Variants in ACCSL observed in about 807,000 individuals in gnomAD.
ACCSL encodes 1-aminocyclopropane-1-carboxylate synthase homolog (inactive) like, also known as probable inactive 1-aminocyclopropane-1-carboxylate synthase-like protein 2.
ACCSL carries 55 observed loss-of-function variants against 61.7 expected under a neutral mutation model. The ratio of observed to expected loss-of-function variants is 0.89; its 90% CI spans 0.72 to 1.12. ACCSL has a LOEUF of 1.12. Among genes scored for constraint, ACCSL ranks in the 50% most tolerant of loss-of-function variants. The pLI is 0.00. For synonymous variants in ACCSL, 258 were observed against 264.3 expected, an observed-to-expected ratio of 0.98 and a Z score of 0.23; for missense variants, 632 against 698.0, an observed-to-expected ratio of 0.91 and a Z score of 1.07.
chr11:43,940,382 G>C, the ACCSL span, among the ~76,000 whole-genome samples: 1 of 149,834 alleles, frequency 6.7e-6, no homozygotes, highest in African/African-American at 2.5e-5. Flanking sequence ...TTGAGACGGA[G>C]TCTTGCTCCA....
the ACCSL span, among the ~76,000 whole-genome samples, chr11:43,996,650 G>A: frequency 6.6e-6 from 1 of 152,084 alleles, no homozygotes; most frequent in African/African-American, 2.4e-5. Flanking sequence ...CCTCCAGTGG[G>A]GCTGCAGGTT....
At chr11:43,942,169 C>T in the ACCSL span, 1 of 153,528 alleles carries the variant, frequency 6.5e-6, no homozygotes, top group Non-Finnish European at 1.5e-5. Flanking sequence ...GGCGCTCAGG[C>T]TCGCCAGGCT....
At chr11:44,012,476 G>A in the ACCSL span, among the ~76,000 whole-genome samples, 2 of 151,992 alleles carry the variant, frequency 1.3e-5, no homozygotes, top group East Asian at 1.9e-4. Flanking sequence ...TCGTAGAAAC[G>A]GGGTTTCACC....
At chr11:44,043,058 C>T (rs145407785), upstream of ACCSL, among the ~76,000 whole-genome samples, 5 of 152,020 alleles carry the variant, frequency 3.3e-5, no homozygotes, top group East Asian at 1.9e-4. Context: ...ACTCCAGTCT[C>T]GGTGACAGAG....
At chr11:44,049,960 G>C (rs769861686) in intron 1 of ACCSL, 102 bp from the exon 2 acceptor site, 4 of 1,488,862 alleles carry the variant, frequency 2.7e-6, no homozygotes, top group African/African-American at 2.8e-5. Flanking sequence ...GGATTGAATT[G>C]CCTCATAGGC....
chr11:44,001,524 G>T, the ACCSL span, among the ~76,000 whole-genome samples: 1 of 152,028 alleles, frequency 6.6e-6, no homozygotes, highest in African/African-American at 2.4e-5. Flanking sequence ...GAGAAGATCG[G>T]GAGTCAGGTG....
Position 44,059,846 on chromosome 11 carries a change from C to T in ACCSL, c.1633C>T (p.Arg545Trp), listed in dbSNP as rs752690708. ...ELPRLKLAMRRFCDVLQEQKE... is the reference protein window; with the variant it reads ...ELPRLKLAMRWFCDVLQEQKE... ...CCATTTGAACCCTCTAGCTATGCGT[C>T]GGTTCTGTGATGTGCTGCAGGAGCA... The change falls in exon 14 of 14, where the codon CGG becomes TGG. Residue 545 changes from arginine (R) to tryptophan (W), a missense_variant. By Grantham distance (101) the Arg-to-Trp change is moderately radical. Transcript: ENST00000378832. 13 of 1,613,308 alleles carry T rather than the reference C, an allele frequency of 8.1e-6. No homozygotes were observed. The highest frequency in any genetic ancestry group is 1.1e-5 in the South Asian group (1 of 90,952).
the ACCSL span, among the ~76,000 whole-genome samples, chr11:43,973,223 G>T: frequency 6.6e-6 from 1 of 152,216 alleles, no homozygotes; most frequent in African/African-American, 2.4e-5. Flanking sequence ...AAATAAACAG[G>T]TGTGGATACA....
At chr11:43,943,713 G>T in the ACCSL span, 1 of 1,304,442 alleles carries the variant, frequency 7.7e-7, no homozygotes, top group Admixed American at 2.3e-5. This position sits in a 1 kb window ranked among gnomAD's most constrained non-coding sequence, Gnocchi z 4.8. Context: ...TAATTGTTAG[G>T]CGTGGCCGTT....
chr11:44,020,316 TTTTA>T, the ACCSL span, among the ~76,000 whole-genome samples: 1 of 152,180 alleles, frequency 6.6e-6, no homozygotes, highest in Non-Finnish European at 1.5e-5. Context: ...CCTGGATGCC[TTTTA>T]TTTCTTTTTC....
intron 1 of ACCSL, among the ~76,000 whole-genome samples, chr11:44,048,962 G>C (rs879621877): frequency 2.6e-5 from 4 of 152,188 alleles, no homozygotes; most frequent in Admixed American, 2.6e-4. Context: ...GCCATGTGGT[G>C]ATGGCCATGG....
At chr11:44,036,868 C>T in the ACCSL span, among the ~76,000 whole-genome samples, 3 of 152,052 alleles carry the variant, frequency 2.0e-5, no homozygotes, top group Non-Finnish European at 1.5e-5. Flanking sequence ...CTCTCTGGAC[C>T]ACAGTTTCCT....
At chr11:43,928,121 A>G in the ACCSL span, among the ~76,000 whole-genome samples, 5 of 152,256 alleles carry the variant, frequency 3.3e-5, no homozygotes, top group East Asian at 9.7e-4. Context: ...AAGGCTGATG[A>G]GCAGGGAGGG....
chr11:44,015,676 TAAG>T, the ACCSL span, among the ~76,000 whole-genome samples: 2 of 152,138 alleles, frequency 1.3e-5, no homozygotes, highest in African/African-American at 4.8e-5. Context: ...ACTTCTCCAA[TAAG>T]AATGCGGCTA....
chr11:44,049,994 T>A, intron 1 of ACCSL, 68 bp from the exon 2 acceptor site: 1 of 1,599,820 alleles, frequency 6.3e-7, no homozygotes, highest in African/African-American at 1.3e-5. Context: ...TTTGAACTAA[T>A]GTTTCAAGGG....
chr11:43,935,050 A>G, the ACCSL span, among the ~76,000 whole-genome samples: 1 of 152,096 alleles, frequency 6.6e-6, no homozygotes, highest in South Asian at 2.1e-4. Flanking sequence ...CTTCCCCTGC[A>G]GCCCCGGCAC....
chr11:43,946,728 C>T, the ACCSL span, among the ~76,000 whole-genome samples: 4 of 152,252 alleles, frequency 2.6e-5, no homozygotes, highest in Middle Eastern at 6.8e-3. Flanking sequence ...AAAGTGATGT[C>T]TTATTTGTCC....
chr11:43,992,664 G>A, the ACCSL span, among the ~76,000 whole-genome samples: 1 of 152,168 alleles, frequency 6.6e-6, no homozygotes, highest in African/African-American at 2.4e-5. Flanking sequence ...AGAGATTCAT[G>A]CGCCACTGGA....
At chr11:44,040,982 G>A in the ACCSL span, among the ~76,000 whole-genome samples, 1 of 152,178 alleles carries the variant, frequency 6.6e-6, no homozygotes, top group Admixed American at 6.5e-5. Context: ...TTGAGCCTCT[G>A]TTTTCTCACC....
Sources: gnomAD v4.1 joint callset for allele counts (sites outside exome capture counted in the v4.1 genomes callset) on GRCh38, gnomAD v4.1.1 for gene constraint, Gnocchi (gnomAD v3.1) non-coding constraint, MANE v1.5 for transcripts, NCBI Gene and HGNC (gene_info 2026-07-23, HGNC 2026-07-21) for gene names.